The following ERBB4 variants were observed in gnomAD, a reference collection of about 807,000 sequenced individuals.
ERBB4 encodes erb-b2 receptor tyrosine kinase 4, also known as receptor tyrosine-protein kinase erbB-4.
In ERBB4, 42 loss-of-function variants were observed where a neutral mutation model predicts 158.0. The observed-to-expected ratio is 0.27, with a 90% CI of 0.21 to 0.34. The LOEUF (loss-of-function observed/expected upper bound fraction) is 0.34, where lower values mean the gene tolerates loss of function less well. Ranked by LOEUF, ERBB4 falls within the 10% of genes least tolerant of loss-of-function variation. The pLI is 1.00. For synonymous variants in ERBB4, 583 were observed against 558.7 expected, an observed-to-expected ratio of 1.04 and a Z score of -0.61; for missense variants, 1,333 against 1,624.1, an observed-to-expected ratio of 0.82 and a Z score of 3.08.
In ERBB4 at chr2:212,495,988, C is replaced by T. The variant is rs537640163; in HGVS notation, c.82+42461G>A. Among the ~76,000 whole-genome samples the T allele has an allele frequency of 2.0e-5, 3 of 152,140 alleles. No homozygotes were observed. The East Asian group carries it at 5.8e-4, about 29-fold the overall frequency. On this transcript the variant is annotated intron_variant, in intron 1 of 27. Transcript: ENST00000342788. The stretch of plus-strand genomic sequence containing the variant: ...TGCTATTTCCCTATATTTGGTATTA[C>T]TTGATACGGCATCAGGTAGAATTTT...
Position 212,196,040 on chromosome 2 carries a change from A to T in ERBB4, c.83-71137T>A, listed in dbSNP as rs79144417. Among the ~76,000 whole-genome samples the T allele has an allele frequency of 8.9e-3, 1,349 of 152,226 alleles. 23 individuals are homozygous for T. The highest frequency in any genetic ancestry group is 0.031 in the African/African-American group (1,306 of 41,550). On this transcript the variant is annotated intron_variant, in intron 1 of 27. Transcript: ENST00000342788. Reference sequence around the variant, plus strand: ...ACTAACAAAAGCAATTTTAATGTGCAGTTGACCCTAGAACAATGCAGAGGT... The same window carrying T: ...ACTAACAAAAGCAATTTTAATGTGCTGTTGACCCTAGAACAATGCAGAGGT...
intron 2 of ERBB4, among the ~76,000 whole-genome samples, chr2:212,011,372 T>C (rs140316054): frequency 2.6e-5 from 4 of 152,238 alleles, no homozygotes; most frequent in East Asian, 1.9e-4. Flanking sequence ...GGCCACAGTA[T>C]TGGACAGTGC....
chr2:212,235,408 A>C (rs1028264137), intron 1 of ERBB4, among the ~76,000 whole-genome samples: 3 of 152,042 alleles, frequency 2.0e-5, no homozygotes, highest in Admixed American at 2.0e-4. Flanking sequence ...GTCAGGTAGC[A>C]TGATGCCTCC....
intron 1 of ERBB4, among the ~76,000 whole-genome samples, chr2:212,513,698 C>T (rs1349212573): frequency 1.3e-5 from 2 of 152,130 alleles, no homozygotes; most frequent in African/African-American, 2.4e-5. Context: ...GTAGTCCCAG[C>T]TACTCCGGGA....
chr2:211,744,489 C>T (rs35444377), intron 5 of ERBB4, among the ~76,000 whole-genome samples: 33,388 of 152,092 alleles, frequency 0.22, 4,313 homozygotes, highest in Non-Finnish European at 0.3. Context: ...CTCTGGCCTC[C>T]CACAGACCTT....
intron 1 of ERBB4, among the ~76,000 whole-genome samples, chr2:212,211,067 G>A (rs539847032): frequency 6.6e-6 from 1 of 152,080 alleles, no homozygotes; most frequent in East Asian, 1.9e-4. Context: ...GTCATCCTTG[G>A]TTTTTCTCTT....
chr2:211,729,609 A>C (rs1331634468), intron 5 of ERBB4, among the ~76,000 whole-genome samples: 1 of 151,876 alleles, frequency 6.6e-6, no homozygotes, highest in Non-Finnish European at 1.5e-5. Context: ...CCATAGAGTA[A>C]ATTTATTTAG....
intron 1 of ERBB4, among the ~76,000 whole-genome samples, chr2:212,229,021 T>C (rs908569028): frequency 6.6e-6 from 1 of 152,232 alleles, no homozygotes; most frequent in African/African-American, 2.4e-5. Flanking sequence ...AAGGGCAGCA[T>C]GAGCTCTGTG....
At chr2:211,870,634 T>C (rs886999733) in intron 3 of ERBB4, among the ~76,000 whole-genome samples, 6 of 152,146 alleles carry the variant, frequency 3.9e-5, no homozygotes, top group Non-Finnish European at 7.4e-5. Context: ...ATAAATATAA[T>C]GTTATAGTGC....
intron 20 of ERBB4, among the ~76,000 whole-genome samples, chr2:211,473,903 A>G (rs10196068): frequency 0.32 from 48,457 of 151,882 alleles, 9,444 homozygotes; most frequent in African/African-American, 0.56. Flanking sequence ...CATAAAAGCC[A>G]GAAATTTGAA....
chr2:211,449,705 A>G (rs564819435), intron 20 of ERBB4, among the ~76,000 whole-genome samples: 1 of 152,322 alleles, frequency 6.6e-6, no homozygotes, highest in South Asian at 2.1e-4. Flanking sequence ...AAGCTAATTT[A>G]ATGGGAATGA....
At chr2:211,647,696 C>T (rs1271732620) in intron 16 of ERBB4, among the ~76,000 whole-genome samples, 3 of 151,652 alleles carry the variant, frequency 2.0e-5, no homozygotes, top group Admixed American at 6.6e-5. Context: ...TCCATTCACT[C>T]GAATTTCTGG....
At chr2:212,299,063 A>G (rs2086524552) in intron 1 of ERBB4, among the ~76,000 whole-genome samples, 1 of 151,746 alleles carries the variant, frequency 6.6e-6, no homozygotes, top group Non-Finnish European at 1.5e-5. Flanking sequence ...TATATAAATT[A>G]TCTCATTTAA....
intron 1 of ERBB4, among the ~76,000 whole-genome samples, chr2:212,346,323 A>G (rs2088998754): frequency 6.6e-6 from 1 of 151,914 alleles, no homozygotes; most frequent in African/African-American, 2.4e-5. Context: ...CCCCAAGAAA[A>G]GCCACAAATT....
At chr2:211,397,963 T>C (rs775681087) in intron 25 of ERBB4, among the ~76,000 whole-genome samples, 9 of 152,210 alleles carry the variant, frequency 5.9e-5, no homozygotes, top group Non-Finnish European at 1.0e-4. Context: ...ATGGAATTAC[T>C]TCAGGGAACA....
At chr2:212,229,649 C>A (rs1176641379) in intron 1 of ERBB4, among the ~76,000 whole-genome samples, 19 of 152,092 alleles carry the variant, frequency 1.2e-4, no homozygotes, top group Admixed American at 1.2e-3. Context: ...AGAGGTAAGA[C>A]TGAAGCTAGA....
At chr2:211,575,524 T>C (rs933564991) in intron 19 of ERBB4, among the ~76,000 whole-genome samples, 5 of 152,214 alleles carry the variant, frequency 3.3e-5, no homozygotes, top group Admixed American at 6.5e-5. Flanking sequence ...TTTTATTTAA[T>C]CACTTAGAGC....
chr2:212,078,099 CAATT>C (rs1212182522), intron 2 of ERBB4, among the ~76,000 whole-genome samples: 3 of 151,986 alleles, frequency 2.0e-5, no homozygotes, highest in Non-Finnish European at 4.4e-5. Flanking sequence ...ATAGTATTAT[CAATT>C]ATTTAATGTT....
chr2:211,753,522 T>C (rs1203819422), intron 4 of ERBB4, among the ~76,000 whole-genome samples: 1 of 152,082 alleles, frequency 6.6e-6, no homozygotes, highest in African/African-American at 2.4e-5. Context: ...AGGGAAAAAG[T>C]CAGTAAATCT....
Sources: allele counts gnomAD v4.1 joint callset (sites outside exome capture counted in the v4.1 genomes callset), GRCh38; gene constraint gnomAD v4.1.1; transcripts MANE v1.5; gene names NCBI Gene and HGNC (gene_info 2026-07-23, HGNC 2026-07-21).